The following DLC1 variants were observed in gnomAD, a reference collection of about 807,000 sequenced individuals.
The protein encoded by DLC1 is DLC1 Rho GTPase activating protein.
A neutral mutation model predicts 140.3 loss-of-function variants in DLC1; 54 were observed. The ratio of observed to expected loss-of-function variants is 0.38; its 90% CI spans 0.31 to 0.48. The LOEUF (loss-of-function observed/expected upper bound fraction) is 0.48. DLC1 is among the 20% of genes least tolerant of loss of function. The pLI, the probability that DLC1 is intolerant of heterozygous loss-of-function variation, is 0.96. For synonymous variants in DLC1, 986 were observed against 728.1 expected (o/e 1.35, Z -5.70); for missense variants, 2,536 against 1,907.0 (o/e 1.33, Z -6.14).
chr8:13,201,078 G>A (rs1047425241), intron 5 of DLC1, among the ~76,000 whole-genome samples: 1 of 151,552 alleles, frequency 6.6e-6, no homozygotes, highest in African/African-American at 2.4e-5. Context: ...TTGGACTTTT[G>A]TCTCCTTCTT....
Position 13,205,393 on chromosome 8 carries a change from C to T in DLC1, c.1349-89736G>A, listed in dbSNP as rs183543985. Among the ~76,000 whole-genome samples the T allele has an allele frequency of 2.6e-5, 4 of 152,314 alleles. No homozygotes were observed. In the East Asian group the frequency reaches 7.7e-4, roughly 29 times the overall value. ...TAATGCTGATTCCTACTTCATTCCACATGGCATGTGTCACTTATACTCAAA... is the reference window on the plus strand; with the variant it reads ...TAATGCTGATTCCTACTTCATTCCATATGGCATGTGTCACTTATACTCAAA... On this transcript the variant is annotated intron_variant, in intron 5 of 17. Transcript: ENST00000276297.
intron 2 of DLC1, among the ~76,000 whole-genome samples, chr8:13,452,524 A>T (rs1257241375): frequency 1.3e-5 from 2 of 152,236 alleles, no homozygotes; most frequent in Non-Finnish European, 2.9e-5. Flanking sequence ...CTAAAGTGAT[A>T]GGTACAAATA....
At chr8:13,159,936 G>C (rs1824554244) in intron 5 of DLC1, among the ~76,000 whole-genome samples, 2 of 151,840 alleles carry the variant, frequency 1.3e-5, no homozygotes, top group East Asian at 3.9e-4. Flanking sequence ...GAGGCGGGCA[G>C]ATGACGAGGT....
chr8:13,585,266 A>G lies in DLC1; in HGVS notation c.-126+19271T>C, dbSNP rs913557303. 6.6e-5 allele frequency among the ~76,000 whole-genome samples: 10 copies of G among 152,196 alleles called. No homozygotes were observed. In the East Asian group the frequency reaches 1.7e-3, roughly 26 times the overall value. On this transcript the variant is annotated intron_variant, in intron 1 of 1. Coordinates refer to the DLC1 transcript ENST00000631382. Reference sequence around the variant, plus strand: ...CTTCATGGATGTGTTTCTGGAACATAAAGAATGAAGAAATAGGCCTAGCAT... The same window carrying G: ...CTTCATGGATGTGTTTCTGGAACATGAAGAATGAAGAAATAGGCCTAGCAT...
At chr8:13,106,423 T>C (rs1297077660) in intron 7 of DLC1, among the ~76,000 whole-genome samples, 2 of 152,170 alleles carry the variant, frequency 1.3e-5, no homozygotes, top group East Asian at 1.9e-4. Flanking sequence ...TCATGGCACA[T>C]TGGAGCCTGG....
At chr8:13,589,743 T>C (rs1370740494) in intron 1 of DLC1, among the ~76,000 whole-genome samples, 1 of 151,808 alleles carries the variant, frequency 6.6e-6, no homozygotes, top group Non-Finnish European at 1.5e-5. Flanking sequence ...GGAACAGTTA[T>C]CTTTTTTCCA....
At position 13,243,291 on chromosome 8, in the gene DLC1, A is replaced by C. The variant is rs1382787519; in HGVS notation, c.1348+61978T>G. Among the ~76,000 whole-genome samples, 13 of 1,492 alleles carry C rather than the reference A, an allele frequency of 8.7e-3. No individual in the cohort carries two copies. In the South Asian group the frequency reaches 0.088, roughly 10 times the overall value. 1.0% of individuals were successfully genotyped at this position (1,492 alleles called of 152,430 possible). ...GGTGACAAGAGTGAGACTCTGTCTCAAAAAAAAAAAAAAAAAAAAAAAAAA... is the reference window on the plus strand; with the variant it reads ...GGTGACAAGAGTGAGACTCTGTCTCCAAAAAAAAAAAAAAAAAAAAAAAAA... On this transcript the variant is annotated intron_variant, in intron 5 of 17. Coordinates refer to ENST00000276297, the MANE Select transcript of DLC1 (RefSeq NM_182643.3).
chr8:13,306,962 T>G (rs1832463823), intron 4 of DLC1, among the ~76,000 whole-genome samples: 2 of 149,688 alleles, frequency 1.3e-5, no homozygotes, highest in East Asian at 4.0e-4. Flanking sequence ...CAGGTGCCCG[T>G]AATCCCAGCT....
At chr8:13,403,034 G>C (rs1212335986) in intron 2 of DLC1, among the ~76,000 whole-genome samples, 1 of 152,148 alleles carries the variant, frequency 6.6e-6, no homozygotes, top group Non-Finnish European at 1.5e-5. Context: ...AACCGAACTT[G>C]TGCATGGTTT....
At chr8:13,315,674 G>A (rs1329731528) in intron 4 of DLC1, among the ~76,000 whole-genome samples, 1 of 152,118 alleles carries the variant, frequency 6.6e-6, no homozygotes, top group East Asian at 1.9e-4. Flanking sequence ...CCCGTATTTT[G>A]TTTGTTAATT....
intron 1 of DLC1, among the ~76,000 whole-genome samples, chr8:13,550,492 C>G (rs12156250): frequency 0.063 from 9,632 of 152,090 alleles, 417 homozygotes; most frequent in South Asian, 0.19. Flanking sequence ...TATATACAGG[C>G]AATTCGAATT....
intron 5 of DLC1, among the ~76,000 whole-genome samples, chr8:13,303,302 A>C (rs1472714745): frequency 6.6e-6 from 1 of 152,124 alleles, no homozygotes; most frequent in Admixed American, 6.5e-5. Context: ...TGGAGATCAC[A>C]TATGTCATCT....
intron 3 of DLC1, among the ~76,000 whole-genome samples, chr8:13,397,385 G>T (rs1167000717): frequency 1.3e-5 from 2 of 152,112 alleles, no homozygotes; most frequent in Non-Finnish European, 2.9e-5. Context: ...AAAATGGAGA[G>T]CAGCCAGAAG....
intron 4 of DLC1, among the ~76,000 whole-genome samples, chr8:13,317,303 G>A (rs572990993): frequency 1.8e-4 from 27 of 152,280 alleles, no homozygotes; most frequent in African/African-American, 6.0e-4. Context: ...TGTCCAGACT[G>A]AATTGCTTCA....
chr8:13,197,601 G>A (rs35448088), intron 5 of DLC1, among the ~76,000 whole-genome samples: 95 of 151,770 alleles, frequency 6.3e-4, no homozygotes, highest in African/African-American at 2.0e-3. Flanking sequence ...CTGCCTCGGC[G>A]TCCCAAAGTG....
chr8:13,091,338 C>T lies in DLC1; in HGVS notation c.3835G>A (p.Glu1279Lys), dbSNP rs557012468. ...CTTACCTGGAAAAGCTTCTTGCACT[C>T]GGCGATCATATGGGCCAGCCCTTGA... ...ATQGLAHMIA[E>K]CKKLFQVPEE... Residue 1279 changes from glutamate (E) to lysine (K), a missense_variant, in exon 14 of 18, where the codon GAG becomes AAG. Transcript: ENST00000276297. The T allele has an allele frequency of 5.6e-6, 9 of 1,614,030 alleles. No individual in the cohort carries two copies. The highest frequency in any genetic ancestry group is 2.2e-5 in the East Asian group (1 of 44,878).
rs184998108 is a variant in DLC1, at chr8:13,570,849, C to G, written c.-126+33688G>C. ...TTAGAAAGTTTAGTTTGTAGAGTCTCCCCTCTACCCTGTAACTATTCAACC... is the reference window on the plus strand; with the variant it reads ...TTAGAAAGTTTAGTTTGTAGAGTCTGCCCTCTACCCTGTAACTATTCAACC... On this transcript the variant is annotated intron_variant, in intron 1 of 1. Coordinates refer to the DLC1 transcript ENST00000631382. Among the ~76,000 whole-genome samples, 6 of 152,228 alleles carry G rather than the reference C, an allele frequency of 3.9e-5. No individual in the cohort carries two copies. The East Asian group carries it at 9.7e-4, about 25-fold the overall frequency.
chr8:13,579,245 CATAT>C lies in DLC1; in HGVS notation c.-126+25288_-126+25291del, dbSNP rs749246152. On this transcript the variant is annotated intron_variant, in intron 1 of 1. Transcript: ENST00000631382. ...GGAGCTCTAATTGAGGAACAGGGAG[CATAT>C]ATATATATATATATATATATGCACA... Among the ~76,000 whole-genome samples the C allele has an allele frequency of 3.6e-3, 68 of 18,896 alleles. 7 individuals are homozygous for C. The highest frequency in any genetic ancestry group is 0.011 in the African/African-American group (61 of 5,710). 12.4% of individuals were successfully genotyped at this position (18,896 alleles called of 152,430 possible).
intron 4 of DLC1, among the ~76,000 whole-genome samples, chr8:13,383,719 G>C (rs1292952039): frequency 6.6e-6 from 1 of 152,168 alleles, no homozygotes; most frequent in East Asian, 1.9e-4. Flanking sequence ...TGCATCGGTG[G>C]AAGTCAGGTG....
Sources: gnomAD v4.1 joint callset for allele counts (sites outside exome capture counted in the v4.1 genomes callset) on GRCh38, gnomAD v4.1.1 for gene constraint, MANE v1.5 for transcripts, NCBI Gene and HGNC (gene_info 2026-07-23, HGNC 2026-07-21) for gene names.